The following NRL variants were observed in gnomAD, a reference collection of about 807,000 sequenced individuals.
NRL encodes the protein neural retina leucine zipper, also known as neural retina-specific leucine zipper protein.
A neutral mutation model predicts 12.5 loss-of-function variants in NRL; 16 were observed. The observed-to-expected ratio is 1.28, with a 90% confidence interval of 0.87 to 1.95. The LOEUF is 1.95. Among genes scored for constraint, NRL ranks in the 30% most tolerant of loss-of-function variants. NRL has a pLI of 0.00. For synonymous variants in NRL, 142 were observed against 150.9 expected (o/e 0.94, Z 0.43); for missense variants, 314 against 325.8 (o/e 0.96, Z 0.28).
chr14:24,104,302 A>C (rs2037288738), intron 1 of NRL, among the ~76,000 whole-genome samples: 1 of 151,428 alleles, frequency 6.6e-6, no homozygotes. Context: ...GGGAGAAGGC[A>C]CTATCCACTC....
chr14:24,102,904 G>A (rs1192624283), intron 1 of NRL: 1 of 1,611,246 alleles, frequency 6.2e-7, no homozygotes, highest in East Asian at 2.2e-5. Context: ...AACAACATAT[G>A]AGCTCCATGT....
intron 1 of NRL, among the ~76,000 whole-genome samples, chr14:24,096,144 AGGCT>A (rs2036867374): frequency 2.0e-5 from 3 of 150,902 alleles, no homozygotes; most frequent in Non-Finnish European, 4.4e-5. Context: ...AAAATGGATG[AGGCT>A]TCAAATACCA....
intron 1 of NRL, chr14:24,099,114 C>CGG: frequency 6.2e-7 from 1 of 1,612,112 alleles, no homozygotes; most frequent in Non-Finnish European, 8.5e-7. Context: ...GCCCGACCAG[C>CGG]GGGAGATCAT....
chr14:24,103,416 T>A, intron 1 of NRL: 1 of 1,254,334 alleles, frequency 8.0e-7, no homozygotes, highest in Non-Finnish European at 1.1e-6. Flanking sequence ...TTCAGAACCA[T>A]AAGCCTTTCA....
At chr14:24,088,443 G>A (rs1423760422) in intron 1 of NRL, among the ~76,000 whole-genome samples, 1 of 152,234 alleles carries the variant, frequency 6.6e-6, no homozygotes, top group Non-Finnish European at 1.5e-5. Context: ...TCAGGGGTAG[G>A]AGGCAAAGTG....
rs1215585333 is a variant in NRL, at chr14:24,079,729, C to A, written c.*1507G>T. Among the ~76,000 whole-genome samples the A allele has an allele frequency of 6.6e-6, 1 of 152,160 alleles. No homozygotes were observed. The highest frequency in any genetic ancestry group is 2.4e-5 in the African/African-American group (1 of 41,414). ...GAAAGCTTCTCCCATTTATTATGTC[C>A]GGTAGAGGACAGATGACAGTAACTC... On this transcript the variant is annotated 3_prime_UTR_variant, in exon 3 of 3. Transcript: ENST00000561028.
At chr14:24,098,320 G>C (rs1337095588) in intron 1 of NRL, 1 of 1,614,090 alleles carries the variant, frequency 6.2e-7, no homozygotes. Context: ...GTGGGCAGCT[G>C]GGCAACTGGA....
intron 1 of NRL, among the ~76,000 whole-genome samples, chr14:24,106,216 T>C (rs1354826095): frequency 6.6e-6 from 1 of 152,192 alleles, no homozygotes; most frequent in Non-Finnish European, 1.5e-5. Context: ...GCTGAGAGAA[T>C]GTATAACCTA....
At chr14:24,110,479 C>T (rs1051042713) in intron 1 of NRL, 1 of 166,816 alleles carries the variant, frequency 6.0e-6, no homozygotes, top group Non-Finnish European at 1.4e-5. Flanking sequence ...AAATGATTAT[C>T]TTTATTTTTT....
At chr14:24,083,187 T>G (rs2036373096) in intron 1 of NRL, among the ~76,000 whole-genome samples, 1 of 152,236 alleles carries the variant, frequency 6.6e-6, no homozygotes. Flanking sequence ...ACCCTAGTGC[T>G]GAGACATGCC....
At chr14:24,096,523 C>T (rs946492407) in intron 1 of NRL, among the ~76,000 whole-genome samples, 1 of 152,152 alleles carries the variant, frequency 6.6e-6, no homozygotes, top group African/African-American at 2.4e-5. Context: ...GCATGAGCCA[C>T]CGTGCCCAGC....
In NRL at chr14:24,097,131, A is replaced by G. The variant is rs758001636; in HGVS notation, c.-27-14256T>C. 6.2e-7 allele frequency: 1 copy of G among 1,613,852 alleles called. No individual in the cohort carries two copies. The highest frequency in any genetic ancestry group is 1.6e-4 in the Middle Eastern group (1 of 6,062). ...CTCATCCGAAAGCTCCCCAAGTACA[A>G]TAACTGGTAAGCCTTGGGCTCCACA... On this transcript the variant is annotated intron_variant, in intron 1 of 2. Transcript: ENST00000561028.
intron 1 of NRL, among the ~76,000 whole-genome samples, chr14:24,111,151 T>G (rs1175196212): frequency 6.6e-6 from 1 of 152,208 alleles, no homozygotes; most frequent in Non-Finnish European, 1.5e-5. Context: ...CGGCTATTTT[T>G]TTTTTCTTTT....
In NRL at chr14:24,094,290, C is replaced by T; in HGVS notation, c.-27-11415G>A. The T allele has an allele frequency of 5.8e-6, 6 of 1,037,568 alleles. No individual in the cohort carries two copies. Among genetic ancestry groups the T allele is most frequent in the Admixed American group, 2.4e-5 (1 of 41,598 alleles). 64.3% of individuals were successfully genotyped at this position (1,037,568 alleles called of 1,614,324 possible). On this transcript the variant is annotated intron_variant, in intron 1 of 2. Coordinates refer to ENST00000561028, the MANE Select transcript of NRL (RefSeq NM_001354768.3). This position sits in a 1 kb window ranked among gnomAD's most constrained non-coding sequence, Gnocchi z 4.1. ...CGCGCCTGCCCCCCTCCTTTTTAAG[C>T]GCCTCCCGCCAGCCTCTGCTGTGGC... is the stretch of plus-strand genomic sequence containing the variant.
At position 24,094,035 on chromosome 14, in the gene NRL, G is replaced by C. The variant is rs919856976; in HGVS notation, c.-27-11160C>G. ...TCTCCCGGGAGCAAGAGTCCTCAAA[G>C]TTACATCATGTGCGGCTGGGAGGGC... On this transcript the variant is annotated intron_variant, in intron 1 of 2. Transcript: ENST00000561028. This position sits in a 1 kb window ranked among gnomAD's most constrained non-coding sequence, Gnocchi z 4.1. 9.3e-6 allele frequency: 5 copies of C among 536,610 alleles called. 1 individual carries two copies. The highest frequency in any genetic ancestry group is 1.6e-5 in the Non-Finnish European group (5 of 306,646). 33.2% of individuals were successfully genotyped at this position (536,610 alleles called of 1,614,324 possible).
intron 1 of NRL, chr14:24,098,606 G>A: frequency 1.9e-6 from 3 of 1,614,098 alleles, no homozygotes; most frequent in Non-Finnish European, 2.5e-6. Context: ...GGGGACACCT[G>A]TGCTTCAGGC....
chr14:24,100,729 C>G (rs2037130085), intron 1 of NRL, among the ~76,000 whole-genome samples: 1 of 152,188 alleles, frequency 6.6e-6, no homozygotes, highest in Admixed American at 6.5e-5. Flanking sequence ...CCCACTGTCC[C>G]CTGTATAATA....
intron 1 of NRL, among the ~76,000 whole-genome samples, chr14:24,086,384 C>T (rs912713245): frequency 4.6e-5 from 7 of 152,238 alleles, no homozygotes; most frequent in African/African-American, 1.2e-4. Context: ...GATGACATCA[C>T]TCTCTTCCCA....
At chr14:24,090,604 G>A (rs1285619247) in intron 1 of NRL, among the ~76,000 whole-genome samples, 8 of 152,174 alleles carry the variant, frequency 5.3e-5, no homozygotes, top group East Asian at 1.9e-4. Context: ...ATCCTGAAGC[G>A]GGAATCTGGG....
Sources: gnomAD v4.1 joint callset for allele counts (sites outside exome capture counted in the v4.1 genomes callset) on GRCh38, gnomAD v4.1.1 for gene constraint, Gnocchi (gnomAD v3.1) non-coding constraint, MANE v1.5 for transcripts, NCBI Gene and HGNC (gene_info 2026-07-23, HGNC 2026-07-21) for gene names.